SPACA1: variants seen among roughly 807,000 people sequenced by gnomAD.
SPACA1 encodes the protein sperm acrosome membrane-associated protein 1.
SPACA1 carries 17 observed loss-of-function variants against 32.6 expected under a neutral mutation model. The ratio of observed to expected loss-of-function variants is 0.52; its 90% CI spans 0.36 to 0.78. The LOEUF is 0.78. Among genes scored for constraint, SPACA1 ranks in the 30% least tolerant of loss-of-function variants. The pLI is 0.01. For synonymous variants in SPACA1, 140 were observed against 138.1 expected (o/e 1.01, Z -0.10); for missense variants, 363 against 373.4 (o/e 0.97, Z 0.23).
At position 88,059,511 on chromosome 6, in the gene SPACA1, C is replaced by T. The variant is rs746695214; in HGVS notation, c.533C>T (p.Pro178Leu). The T allele has an allele frequency of 1.2e-6, 2 of 1,613,176 alleles. No individual in the cohort carries two copies. Among genetic ancestry groups the T allele is most frequent in the Admixed American group, 1.7e-5 (1 of 59,938 alleles). Reference sequence around the variant, plus strand: ...CTAGAAGTACGCAAGGAAAGTCACCCCTTGGCTTTCGAGTGTGACACACTG... The same window carrying T: ...CTAGAAGTACGCAAGGAAAGTCACCTCTTGGCTTTCGAGTGTGACACACTG... Reference protein sequence around the residue: ...AILEVRKESHPLAFECDTLDN... With the variant: ...AILEVRKESHLLAFECDTLDN... The change falls in exon 5 of 7, where the codon CCC becomes CTC. Residue 178 changes from proline to leucine, a missense_variant. By Grantham distance (98) the Pro-to-Leu change is moderately conservative (BLOSUM62 -3). Coordinates refer to ENST00000237201, the MANE Select transcript of SPACA1 (RefSeq NM_030960.3).
intron 2 of SPACA1, 78 bp downstream of exon 2, chr6:88,054,080 T>C (rs541097049): frequency 1.5e-6 from 2 of 1,290,762 alleles, no homozygotes; most frequent in Admixed American, 3.6e-5. Flanking sequence ...AGTGTGCAAC[T>C]TTGTAACTTG....
chr6:88,054,994 C>T (rs192635366), intron 2 of SPACA1, among the ~76,000 whole-genome samples: 2 of 152,150 alleles, frequency 1.3e-5, no homozygotes, highest in East Asian at 3.9e-4. Flanking sequence ...CTCCTCCCAG[C>T]TCCTGGCAAC....
At chr6:88,059,364 A>C in intron 4 of SPACA1, 89 bp from the exon 5 acceptor site, 1 of 1,176,444 alleles carries the variant, frequency 8.5e-7, no homozygotes, top group Non-Finnish European at 1.2e-6. Flanking sequence ...AGAGACAGTA[A>C]CCCTCCTTTC....
rs187214645 is a variant in SPACA1 at position 88,066,433 on chromosome 6, G to A, written c.*98G>A. On this transcript the variant is annotated 3_prime_UTR_variant, in exon 7 of 7. Transcript: ENST00000237201. ...CATTGAAATACTTTAATAATGTTGCGATGGATTGCCACAGTGTGAAGGAAA... is the reference window on the plus strand; with the variant it reads ...CATTGAAATACTTTAATAATGTTGCAATGGATTGCCACAGTGTGAAGGAAA... 4.2e-5 allele frequency: 49 copies of A among 1,173,326 alleles called. No individual in the cohort carries two copies. In the African/African-American group the frequency reaches 5.6e-4, roughly 13 times the overall value. 72.7% of individuals were successfully genotyped at this position (1,173,326 alleles called of 1,614,324 possible).
At chr6:88,058,473 A>G (rs1483283415) in intron 3 of SPACA1, among the ~76,000 whole-genome samples, 1 of 151,986 alleles carries the variant, frequency 6.6e-6, no homozygotes, top group East Asian at 1.9e-4. Context: ...CTCCATCTCT[A>G]CAAAATTTTG....
intron 5 of SPACA1, among the ~76,000 whole-genome samples, chr6:88,062,228 T>A (rs1159927884): frequency 2.0e-5 from 3 of 152,244 alleles, no homozygotes; most frequent in East Asian, 3.8e-4. Context: ...AAACTTATAC[T>A]CCATGATGTC....
At chr6:88,064,334 C>T (rs1229802624) in intron 6 of SPACA1, 115 bp downstream of exon 6, 5 of 1,048,818 alleles carry the variant, frequency 4.8e-6, no homozygotes, top group Non-Finnish European at 5.3e-6. Flanking sequence ...TGCCTTGAAA[C>T]TGTCCATCGC....
chr6:88,054,389 T>G (rs1257871023), intron 2 of SPACA1, among the ~76,000 whole-genome samples: 1 of 152,214 alleles, frequency 6.6e-6, no homozygotes, highest in Non-Finnish European at 1.5e-5. Flanking sequence ...TAGTCCATTC[T>G]AAATTCTACA....
chr6:88,057,590 C>T lies in SPACA1; in HGVS notation c.266-22C>T, dbSNP rs770203131. The T allele has an allele frequency of 5.7e-6, 9 of 1,577,358 alleles. No homozygotes were observed. The East Asian group carries it at 2.0e-4, about 35-fold the overall frequency. ...AATCAGTTTTTTTCTTAACATTTGC[C>T]TTTTTAAATTTTAAACCAAAGGTAT... On this transcript the variant is annotated intron_variant, in intron 2 of 6. Coordinates refer to ENST00000237201, the MANE Select transcript of SPACA1 (RefSeq NM_030960.3).
At chr6:88,051,578 A>G (rs1775729180) in intron 1 of SPACA1, among the ~76,000 whole-genome samples, 1 of 152,210 alleles carries the variant, frequency 6.6e-6, no homozygotes, top group East Asian at 1.9e-4. Flanking sequence ...AGTGTAGTCT[A>G]AGACCCAGTA....
chr6:88,066,017 T>C (rs886405032), intron 6 of SPACA1, among the ~76,000 whole-genome samples, 165 bp from the exon 7 acceptor site: 3 of 152,008 alleles, frequency 2.0e-5, no homozygotes, highest in Non-Finnish European at 2.9e-5. Flanking sequence ...TTATATGTAT[T>C]TGTATATGTA....
At position 88,062,996 on chromosome 6, in the gene SPACA1, A is replaced by G. The variant is rs114224763; in HGVS notation, c.611-1103A>G. On this transcript the variant is annotated intron_variant, in intron 5 of 6. Coordinates refer to ENST00000237201, the MANE Select transcript of SPACA1 (RefSeq NM_030960.3). ...AGACATAATTCAGAAAACAATCACC[A>G]TAAAAGGAAACATTGAATAAATCAG... is the stretch of plus-strand genomic sequence containing the variant. Among the ~76,000 whole-genome samples the G allele has an allele frequency of 3.7e-3, 557 of 152,342 alleles. 1 individual carries two copies. Among genetic ancestry groups the G allele is most frequent in the African/African-American group, 0.013 (522 of 41,586 alleles).
At chr6:88,053,598 G>T (rs1377161578) in intron 1 of SPACA1, among the ~76,000 whole-genome samples, 2 of 152,076 alleles carry the variant, frequency 1.3e-5, no homozygotes, top group Non-Finnish European at 2.9e-5. Flanking sequence ...GAAAACATTG[G>T]TTTTTACAAC....
At chr6:88,054,842 C>T (rs1775782770) in intron 2 of SPACA1, among the ~76,000 whole-genome samples, 2 of 152,020 alleles carry the variant, frequency 1.3e-5, no homozygotes, top group Non-Finnish European at 2.9e-5. Context: ...TAAAACTTAC[C>T]ATTTTAGCCG....
intron 1 of SPACA1, among the ~76,000 whole-genome samples, chr6:88,051,451 G>GATAT: frequency 6.6e-6 from 1 of 152,276 alleles, no homozygotes; most frequent in East Asian, 1.9e-4. Context: ...GCACTCTGAT[G>GATAT]ATATATACCA....
intron 1 of SPACA1, among the ~76,000 whole-genome samples, 190 bp downstream of exon 1, chr6:88,048,303 ACAG>A (rs996014278): frequency 1.3e-5 from 2 of 152,230 alleles, no homozygotes; most frequent in African/African-American, 4.8e-5. Context: ...CTCCCAGGCC[ACAG>A]CAAGATACAC....
chr6:88,064,389 CTTTATGTAGATGCTT>C lies in SPACA1; in HGVS notation c.731+175_731+189del. 8.2e-6 allele frequency: 4 copies of C among 488,704 alleles called. 1 individual carries two copies. The highest frequency in any genetic ancestry group is 3.6e-5 in the East Asian group (1 of 28,052). 30.3% of individuals were successfully genotyped at this position (488,704 alleles called of 1,614,324 possible). On this transcript the variant is annotated intron_variant, in intron 6 of 6. Coordinates refer to ENST00000237201, the MANE Select transcript of SPACA1 (RefSeq NM_030960.3). ...TGCCCTAGTTCAGGCTGCCCCGTCT[CTTTATGTAGATGCTT>C]TTTAAAACAATCTCATGACTTGCTT... is the stretch of plus-strand genomic sequence containing the variant.
At chr6:88,048,795 C>G (rs1266789477) in intron 1 of SPACA1, among the ~76,000 whole-genome samples, 41 of 151,880 alleles carry the variant, frequency 2.7e-4, no homozygotes. Flanking sequence ...TTTTTTTCTG[C>G]TGGCTCATTA....
chr6:88,060,459 A>C (rs1015283574), intron 5 of SPACA1, among the ~76,000 whole-genome samples: 2 of 152,224 alleles, frequency 1.3e-5, no homozygotes, highest in Non-Finnish European at 2.9e-5. Context: ...CTGAACACAA[A>C]GAGCTTCTGC....
Sources: gnomAD v4.1 joint callset for allele counts (sites outside exome capture counted in the v4.1 genomes callset) on GRCh38, gnomAD v4.1.1 for gene constraint, MANE v1.5 for transcripts, NCBI Gene and HGNC (gene_info 2026-07-23, HGNC 2026-07-21) for gene names.